The following SCP2 variants were observed in gnomAD, a reference collection of about 807,000 sequenced individuals.
The protein encoded by SCP2 is SCP-2/3-oxoacyl-CoA thiolase.
SCP2 carries 48 observed loss-of-function variants against 71.4 expected under a neutral mutation model. That is an observed-to-expected ratio of 0.67 (90% CI 0.53 to 0.86). The LOEUF (loss-of-function observed/expected upper bound fraction) is 0.86. Among genes scored for constraint, SCP2 ranks in the 40% least tolerant of loss-of-function variants. The pLI, the probability that SCP2 is intolerant of heterozygous loss-of-function variation, is 0.00. For synonymous variants in SCP2, 220 were observed against 218.1 expected (o/e 1.01, Z -0.08); for missense variants, 560 against 655.6 (o/e 0.85, Z 1.59).
chr1:52,961,457 C>T (rs767605665), intron 5 of SCP2, 46 bp from the exon 6 acceptor site: 1 of 1,603,994 alleles, frequency 6.2e-7, no homozygotes. Context: ...TTGAAAGAGA[C>T]ACTTATCATG....
chr1:52,974,360 G>T (rs1657761211), intron 6 of SCP2, among the ~76,000 whole-genome samples: 1 of 152,148 alleles, frequency 6.6e-6, no homozygotes, highest in Admixed American at 6.5e-5. Context: ...AAGGGAGGAA[G>T]ATGAAATATC....
At chr1:52,929,029 G>C (rs1557536159) in intron 1 of SCP2, among the ~76,000 whole-genome samples, 1 of 152,056 alleles carries the variant, frequency 6.6e-6, no homozygotes, top group Non-Finnish European at 1.5e-5. Context: ...TTGGGAGGTA[G>C]AGGTCGGGGA....
At chr1:53,024,277 A>C (rs58651631) in intron 12 of SCP2, among the ~76,000 whole-genome samples, 21,800 of 152,126 alleles carry the variant, frequency 0.14, 2,270 homozygotes, top group East Asian at 0.32. Context: ...GACAGAAAGT[A>C]GAATGGTGGT....
chr1:53,002,011 C>G (rs565429033), intron 11 of SCP2, among the ~76,000 whole-genome samples: 2 of 151,860 alleles, frequency 1.3e-5, no homozygotes, highest in East Asian at 3.9e-4. Context: ...GGTGAAACCC[C>G]GTCTCTACTA....
chr1:53,020,138 C>T (rs1205089576), intron 12 of SCP2, among the ~76,000 whole-genome samples: 9 of 152,050 alleles, frequency 5.9e-5, no homozygotes, highest in Admixed American at 2.0e-4. Context: ...CTGCCTGCCT[C>T]GGCCTCCCAA....
At chr1:53,021,409 C>A (rs946444777) in intron 12 of SCP2, among the ~76,000 whole-genome samples, 1 of 151,048 alleles carries the variant, frequency 6.6e-6, no homozygotes, top group Non-Finnish European at 1.5e-5. Context: ...CTTTGCCTCC[C>A]GGGTTCAAGC....
chr1:52,938,543 A>G (rs2150106370), intron 1 of SCP2, among the ~76,000 whole-genome samples: 1 of 152,232 alleles, frequency 6.6e-6, no homozygotes, highest in South Asian at 2.1e-4. Context: ...GCCTCCCGCC[A>G]TGCTCCTTTC....
At chr1:52,951,479 A>G (rs1024282328) in intron 4 of SCP2, among the ~76,000 whole-genome samples, 8 of 146,282 alleles carry the variant, frequency 5.5e-5, no homozygotes, top group Admixed American at 2.1e-4. Context: ...GGTCCCAGCT[A>G]TGCAGGAGGC....
rs1661200390 is a variant in SCP2, at chr1:53,014,487, T to C, written c.1082-403T>C. On this transcript the variant is annotated intron_variant, in intron 11 of 15. Transcript: ENST00000371514. ...ATAGGTCTGGAAAACAACTCATTGT[T>C]GTTGGGAACTACTTGGAGGAAAATA... Among the ~76,000 whole-genome samples the C allele has an allele frequency of 3.9e-5, 6 of 152,248 alleles. 1 individual carries two copies. The South Asian group carries it at 1.2e-3, about 31-fold the overall frequency.
rs774047289 is a variant in SCP2 at position 52,961,066 on chromosome 1, CTTT to C, written c.397-416_397-414del. Among the ~76,000 whole-genome samples, 127 of 92,186 alleles carry C rather than the reference CTTT, an allele frequency of 1.4e-3. 1 individual carries two copies. Among genetic ancestry groups the C allele is most frequent in the African/African-American group, 4.6e-3 (119 of 25,844 alleles). 60.5% of individuals were successfully genotyped at this position (92,186 alleles called of 152,430 possible). On this transcript the variant is annotated intron_variant, in intron 5 of 15. Coordinates refer to ENST00000371514, the MANE Select transcript of SCP2 (RefSeq NM_002979.5). ...CACGCCCAGCCTATTTCCTTTGGTTCTTTTTTTTTTTTTTTTTTTTTTTAATTA... is the reference window on the plus strand; with the variant it reads ...CACGCCCAGCCTATTTCCTTTGGTTCTTTTTTTTTTTTTTTTTTTTAATTA...
intron 11 of SCP2, among the ~76,000 whole-genome samples, chr1:52,996,904 G>T (rs116061631): frequency 0.032 from 4,821 of 152,178 alleles, 227 homozygotes; most frequent in African/African-American, 0.11. Flanking sequence ...TCTTCCTTTT[G>T]CTGTTGCTTT....
intron 6 of SCP2, among the ~76,000 whole-genome samples, chr1:52,966,391 A>G (rs979972814): frequency 6.6e-6 from 1 of 151,798 alleles, no homozygotes; most frequent in African/African-American, 2.4e-5. Flanking sequence ...CTATGGCTGG[A>G]CTATTTTAGT....
chr1:53,043,253 G>A (rs141108698), intron 14 of SCP2, among the ~76,000 whole-genome samples: 1 of 152,338 alleles, frequency 6.6e-6, no homozygotes, highest in African/African-American at 2.4e-5. Context: ...TAGAACTGTT[G>A]TGGGGATTAA....
chr1:52,961,494 C>A lies in SCP2; in HGVS notation c.397-9C>A. On this transcript the variant is annotated splice_polypyrimidine_tract_variant and intron_variant, in intron 5 of 15. Coordinates refer to ENST00000371514, the MANE Select transcript of SCP2 (RefSeq NM_002979.5). The stretch of plus-strand genomic sequence containing the variant: ...CAGCTGCTTATGAAATTTTGTTCCC[C>A]CCTCTTAGTTTTCAGATAGAACCAT... 1 of 1,613,564 alleles carries A rather than the reference C, an allele frequency of 6.2e-7. No individual in the cohort carries two copies. The highest frequency in any genetic ancestry group is 1.1e-5 in the South Asian group (1 of 91,044).
chr1:53,030,727 A>G lies in SCP2; in HGVS notation c.1338+2656A>G, dbSNP rs140196973. ...GCCAACATAGCAAAACCCTGTCTCT[A>G]CTAAAAATATAAAAATTAGCCAGGC... On this transcript the variant is annotated intron_variant, in intron 13 of 15. Coordinates refer to ENST00000371514, the MANE Select transcript of SCP2 (RefSeq NM_002979.5). Among the ~76,000 whole-genome samples the G allele has an allele frequency of 6.2e-3, 939 of 151,998 alleles. 15 individuals carry two copies. The highest frequency in any genetic ancestry group is 0.022 in the African/African-American group (902 of 41,438).
chr1:52,986,487 A>C (rs1484791061), intron 10 of SCP2, among the ~76,000 whole-genome samples: 4 of 152,248 alleles, frequency 2.6e-5, no homozygotes, highest in Non-Finnish European at 5.9e-5. Context: ...CCTAGATTTA[A>C]AGCCAAATTA....
chr1:52,956,876 T>A (rs918693222), intron 5 of SCP2, among the ~76,000 whole-genome samples: 15 of 150,162 alleles, frequency 1.0e-4, no homozygotes, highest in African/African-American at 3.4e-4. Context: ...AAGAAATATA[T>A]ATAAATTAAA....
At chr1:53,020,974 A>T (rs1426714758) in intron 12 of SCP2, among the ~76,000 whole-genome samples, 1 of 152,126 alleles carries the variant, frequency 6.6e-6, no homozygotes, top group African/African-American at 2.4e-5. Context: ...ACAATGCAGG[A>T]CTTTATAATC....
At chr1:53,029,266 G>GT (rs201716383) in intron 13 of SCP2, among the ~76,000 whole-genome samples, 3,528 of 140,314 alleles carry the variant, frequency 0.025, 131 homozygotes, top group African/African-American at 0.081. Flanking sequence ...ATCTCTTTCT[G>GT]TTTTTTTTTT....
Sources: allele counts gnomAD v4.1 joint callset (sites outside exome capture counted in the v4.1 genomes callset), GRCh38; gene constraint gnomAD v4.1.1; transcripts MANE v1.5; gene names NCBI Gene and HGNC (gene_info 2026-07-23, HGNC 2026-07-21).